The following PCDH15 variants were observed in gnomAD, a reference collection of about 807,000 sequenced individuals.
PCDH15 encodes protocadherin related 15.
Under a neutral mutation model 178.5 loss-of-function variants are expected in PCDH15, and 129 were observed. The ratio of observed to expected loss-of-function variants is 0.72; its 90% confidence interval spans 0.63 to 0.84. PCDH15 has a LOEUF of 0.84. Among genes scored for constraint, PCDH15 ranks in the 40% least tolerant of loss-of-function variants. The pLI is 0.00. For synonymous variants in PCDH15, 800 were observed against 732.0 expected (o/e 1.09, Z -1.50); for missense variants, 2,230 against 2,099.9 (o/e 1.06, Z -1.21).
At chr10:55,490,305 A>G (rs926294149) in intron 2 of PCDH15, among the ~76,000 whole-genome samples, 2 of 151,748 alleles carry the variant, frequency 1.3e-5, no homozygotes, top group Non-Finnish European at 2.9e-5. Context: ...GAAGAAGAGG[A>G]AGCTATAAAG....
intron 23 of PCDH15, among the ~76,000 whole-genome samples, chr10:53,946,133 C>G (rs1278127899): frequency 1.3e-5 from 2 of 152,026 alleles, no homozygotes; most frequent in Non-Finnish European, 2.9e-5. Context: ...GAGATATCAC[C>G]TCACATCTAT....
chr10:55,264,703 T>A (rs571890532), intron 1 of PCDH15, among the ~76,000 whole-genome samples: 38 of 152,302 alleles, frequency 2.5e-4, no homozygotes, highest in South Asian at 1.9e-3. Flanking sequence ...CCACTGGGAC[T>A]GTTTTGACCC....
At chr10:53,979,887 T>C (rs1207653973) in intron 21 of PCDH15, among the ~76,000 whole-genome samples, 2 of 152,198 alleles carry the variant, frequency 1.3e-5, no homozygotes, top group African/African-American at 4.8e-5. Flanking sequence ...AATTGTGTTA[T>C]ATGTACAGTC....
At chr10:54,751,691 C>T (rs1035206766) in intron 1 of PCDH15, among the ~76,000 whole-genome samples, 1 of 152,120 alleles carries the variant, frequency 6.6e-6, no homozygotes, top group Non-Finnish European at 1.5e-5. Flanking sequence ...TTCTGTGTTA[C>T]ATCAAGAAAA....
chr10:55,341,824 T>A (rs1479885563), intron 2 of PCDH15, among the ~76,000 whole-genome samples: 2 of 104,656 alleles, frequency 1.9e-5, no homozygotes, highest in Non-Finnish European at 3.9e-5. Flanking sequence ...TTTTTTTTTT[T>A]TTTTTTTAGT....
At chr10:53,843,404 TATAC>T (rs138911620) in intron 28 of PCDH15, among the ~76,000 whole-genome samples, 8,970 of 151,946 alleles carry the variant, frequency 0.059, 827 homozygotes, top group African/African-American at 0.19. Flanking sequence ...TCCTCACATA[TATAC>T]ATATACCCCC....
At chr10:54,711,857 A>G (rs2132367819) in intron 1 of PCDH15, among the ~76,000 whole-genome samples, 1 of 152,070 alleles carries the variant, frequency 6.6e-6, no homozygotes, top group East Asian at 1.9e-4. Flanking sequence ...GGACTAAGCA[A>G]ACCTGTATTA....
chr10:53,867,006 G>T, intron 26 of PCDH15, 149 bp from the exon 27 acceptor site: 1 of 635,984 alleles, frequency 1.6e-6, no homozygotes, highest in Non-Finnish European at 2.8e-6. Context: ...TCTGGATATA[G>T]TTATGTAGAT....
At position 54,474,045 on chromosome 10, in the gene PCDH15, A is replaced by G. The variant is rs955162685; in HGVS notation, c.157+53767T>C. Among the ~76,000 whole-genome samples the G allele has an allele frequency of 3.9e-5, 6 of 151,908 alleles. No homozygotes were observed. In the South Asian group the frequency reaches 1.2e-3, roughly 32 times the overall value. On this transcript the variant is annotated intron_variant, in intron 3 of 37. Coordinates refer to ENST00000644397, the MANE Select transcript of PCDH15 (RefSeq NM_001384140.1). ...AAATCTAAAGAGTGATTCCTGATAA[A>G]GTAAATTTAGTGTAAACAGAAATGC...
At chr10:53,909,592 G>A (rs1034261296) in intron 25 of PCDH15, among the ~76,000 whole-genome samples, 7 of 152,180 alleles carry the variant, frequency 4.6e-5, no homozygotes, top group Non-Finnish European at 1.0e-4. Context: ...CGTGCTTGGC[G>A]CAGAAGACGG....
At chr10:55,617,896 A>C (rs1216029879) in intron 2 of PCDH15, among the ~76,000 whole-genome samples, 3 of 151,978 alleles carry the variant, frequency 2.0e-5, no homozygotes, top group Non-Finnish European at 4.4e-5. Flanking sequence ...TCTAACTTTT[A>C]ATTGATGTTA....
At chr10:54,745,713 G>C (rs1407690618) in intron 1 of PCDH15, among the ~76,000 whole-genome samples, 2 of 152,078 alleles carry the variant, frequency 1.3e-5, no homozygotes, top group African/African-American at 4.8e-5. Context: ...AAAACTCACT[G>C]ATTCAGAAAC....
intron 3 of PCDH15, among the ~76,000 whole-genome samples, chr10:54,448,248 A>C (rs543128944): frequency 7.9e-5 from 12 of 151,762 alleles, no homozygotes; most frequent in Non-Finnish European, 1.6e-4. Context: ...TTGAAACATT[A>C]ATGTCATTAA....
chr10:55,381,668 T>C (rs1422336581), intron 2 of PCDH15, among the ~76,000 whole-genome samples: 1 of 151,464 alleles, frequency 6.6e-6, no homozygotes, highest in African/African-American at 2.4e-5. Flanking sequence ...CTCACCAAAA[T>C]GCATAGGAAA....
chr10:54,380,887 T>G (rs1949151858), intron 3 of PCDH15, among the ~76,000 whole-genome samples: 1 of 151,162 alleles, frequency 6.6e-6, no homozygotes, highest in Non-Finnish European at 1.5e-5. Flanking sequence ...TGGATTTATA[T>G]TTTATTTAAA....
intron 21 of PCDH15, among the ~76,000 whole-genome samples, chr10:53,979,604 T>G (rs1205950520): frequency 6.6e-6 from 1 of 152,176 alleles, no homozygotes; most frequent in African/African-American, 2.4e-5. Flanking sequence ...CTCAAGATGG[T>G]GGACAAGGAT....
At chr10:54,694,643 T>C (rs1266847161) in intron 1 of PCDH15, among the ~76,000 whole-genome samples, 2 of 152,036 alleles carry the variant, frequency 1.3e-5, no homozygotes, top group Non-Finnish European at 2.9e-5. Context: ...ATCAGCGGTC[T>C]TTGAGATCAA....
At chr10:55,615,045 T>C (rs1207975103) in intron 2 of PCDH15, among the ~76,000 whole-genome samples, 1 of 152,140 alleles carries the variant, frequency 6.6e-6, no homozygotes, top group East Asian at 1.9e-4. Context: ...TATTGGGTTA[T>C]TTGGAAAATT....
At chr10:54,167,513 T>G (rs1370323477) in intron 13 of PCDH15, among the ~76,000 whole-genome samples, 1 of 152,042 alleles carries the variant, frequency 6.6e-6, no homozygotes, top group Non-Finnish European at 1.5e-5. Flanking sequence ...CACCCACGTT[T>G]CAAGGGTGTC....
Sources: allele counts gnomAD v4.1 joint callset (sites outside exome capture counted in the v4.1 genomes callset), GRCh38; gene constraint gnomAD v4.1.1; transcripts MANE v1.5; gene names NCBI Gene and HGNC (gene_info 2026-07-23, HGNC 2026-07-21).